Variants in MPP3 observed in about 807,000 individuals in gnomAD.
MPP3 encodes MAGUK p55 scaffold protein 3.
Under a neutral mutation model 80.7 loss-of-function variants are expected in MPP3, and 48 were observed. The observed-to-expected ratio is 0.59, with a 90% CI of 0.47 to 0.76. The LOEUF (loss-of-function observed/expected upper bound fraction) is 0.76. Among genes scored for constraint, MPP3 ranks in the 30% least tolerant of loss-of-function variants. The pLI is 0.00. For synonymous variants in MPP3, 311 were observed against 297.6 expected, an observed-to-expected ratio of 1.04 and a Z score of -0.46; for missense variants, 620 against 763.0, an observed-to-expected ratio of 0.81 and a Z score of 2.21.
chr17:43,808,872 G>A, intron 19 of MPP3, 84 bp downstream of exon 19: 1 of 1,459,394 alleles, frequency 6.9e-7, no homozygotes. Flanking sequence ...CTCTTCAGCT[G>A]CAAGCACCCT....
At chr17:43,815,865 G>A (rs1187874981) in intron 14 of MPP3, 173 bp downstream of exon 14, 1 of 705,088 alleles carries the variant, frequency 1.4e-6, no homozygotes, top group East Asian at 2.8e-5. Flanking sequence ...CAATGCCTGG[G>A]CAGGCTCAGC....
At chr17:43,815,392 GAGCTTGAAACCAGC>G (rs2045066280) in intron 14 of MPP3, among the ~76,000 whole-genome samples, 1 of 152,062 alleles carries the variant, frequency 6.6e-6, no homozygotes, top group African/African-American at 2.4e-5. Flanking sequence ...TTGAAGCCAG[GAGCTTGAAACCAGC>G]TGGGCAACAT....
chr17:43,809,598 G>A (rs1282426376), intron 18 of MPP3, among the ~76,000 whole-genome samples: 1 of 152,072 alleles, frequency 6.6e-6, no homozygotes. Context: ...TGCACTCTTG[G>A]GCCAGGTGCG....
intron 12 of MPP3, 106 bp downstream of exon 12, chr17:43,817,940 C>T: frequency 1.2e-6 from 1 of 842,616 alleles, no homozygotes; most frequent in South Asian, 1.7e-5. Context: ...TCAGACAAGA[C>T]CCCTGATGCC....
At position 43,816,126 on chromosome 17, in the gene MPP3, C is replaced by T. The variant is rs371144032; in HGVS notation, c.968-47G>A. 27 of 1,483,732 alleles carry T rather than the reference C, an allele frequency of 1.8e-5. No homozygotes were observed. In the South Asian group the frequency reaches 2.7e-4, roughly 15 times the overall value. The allele number at this position is 1,483,732 out of a possible 1,614,324, so 91.9% of individuals were successfully genotyped here. On this transcript the variant is annotated intron_variant, in intron 13 of 19. Coordinates refer to ENST00000398389, the MANE Select transcript of MPP3 (RefSeq NM_001932.6). ...GGAAGCCAGTGAGTCCCACCAGACA[C>T]ATCCGGCCCAGGGCACCCAGCCCCT...
At position 43,829,634 on chromosome 17, in the gene MPP3, G is replaced by A. The variant is rs771662424; in HGVS notation, c.441+20C>T. On this transcript the variant is annotated intron_variant, in intron 7 of 19. Coordinates refer to ENST00000398389, the MANE Select transcript of MPP3 (RefSeq NM_001932.6). ...GGCAGGGGAAGAGTGGGTTAGAGAG[G>A]GGCAGGCAGCAGCACCTACCAGGGG... is the stretch of plus-strand genomic sequence containing the variant. The A allele has an allele frequency of 2.5e-6, 4 of 1,612,054 alleles. No homozygotes were observed. Among genetic ancestry groups the A allele is most frequent in the Non-Finnish European group, 3.4e-6 (4 of 1,179,658 alleles).
intron 14 of MPP3, 105 bp from the exon 15 acceptor site, chr17:43,814,466 T>C: frequency 8.5e-7 from 1 of 1,180,108 alleles, no homozygotes; most frequent in Non-Finnish European, 1.2e-6. Context: ...TGGGACTGAG[T>C]CCCACTGACT....
At chr17:43,806,022 T>C (rs1184427956) in intron 19 of MPP3, among the ~76,000 whole-genome samples, 3 of 152,242 alleles carry the variant, frequency 2.0e-5, no homozygotes, top group African/African-American at 4.8e-5. Context: ...AGCCCACTAT[T>C]CAGGGAGAAT....
In MPP3 at chr17:43,811,122, G is replaced by A; in HGVS notation, c.1339C>T (p.His447Tyr). The change falls in exon 17 of 20, where the codon CAT (histidine) becomes TAT (tyrosine). Residue 447 changes from histidine (H) to tyrosine (Y), a missense_variant. His to Tyr is a moderately conservative substitution (Grantham distance 83). Transcript: ENST00000398389. Reference sequence around the variant, plus strand: ...CATCAAGCAACGTACTTGTTGTGATGTAAGTCGGCCTCAAATGCTTGCTTA... The same window carrying A: ...CATCAAGCAACGTACTTGTTGTGATATAAGTCGGCCTCAAATGCTTGCTTA... Reference protein sequence around the residue: ...VSKQAFEADLHHNKFLEHGEY... With the variant: ...VSKQAFEADLYHNKFLEHGEY... 3 of 1,613,958 alleles carry A rather than the reference G, an allele frequency of 1.9e-6. No individual in the cohort carries two copies. Among genetic ancestry groups the A allele is most frequent in the African/African-American group, 1.3e-5 (1 of 75,064 alleles).
rs753396423 is a variant in MPP3, at chr17:43,814,220, C to T, written c.1151G>A (p.Arg384Gln). The change falls in exon 15 of 20, where the codon CGG becomes CAG. Residue 384 changes from arginine (R) to glutamine (Q), a missense_variant. Transcript: ENST00000398389. ...VARYQHQPGERPRLVVLIGSL... is the reference protein window; with the variant it reads ...VARYQHQPGEQPRLVVLIGSL... The stretch of plus-strand genomic sequence containing the variant: ...ACCGATCAGAACCACCAGGCGGGGC[C>T]GCTCTCCGGGCTGGTGTTGGTACCT... 7 of 1,613,478 alleles carry T rather than the reference C, an allele frequency of 4.3e-6. No individual in the cohort carries two copies. The highest frequency in any genetic ancestry group is 3.3e-5 in the South Asian group (3 of 91,034).
chr17:43,809,120 T>G (rs1187832886), intron 18 of MPP3, 42 bp from the exon 19 acceptor site: 1 of 1,547,156 alleles, frequency 6.5e-7, no homozygotes, highest in East Asian at 2.3e-5. Context: ...TTTTGAAGTG[T>G]TTTGTTGTGA....
intron 3 of MPP3, 97 bp downstream of exon 3, chr17:43,831,785 A>T: frequency 6.9e-7 from 1 of 1,446,280 alleles, no homozygotes; most frequent in Non-Finnish European, 9.4e-7. Flanking sequence ...CCGTGAGGAC[A>T]TTCTCTCCCC....
intron 17 of MPP3, 36 bp from the exon 18 acceptor site, chr17:43,810,951 C>A: frequency 6.6e-7 from 1 of 1,514,156 alleles, no homozygotes; most frequent in Non-Finnish European, 9.1e-7. Flanking sequence ...GCCTTTAGTT[C>A]CTCAGCTTTC....
chr17:43,808,898 G>A (rs1268422376), intron 19 of MPP3, 58 bp downstream of exon 19: 31 of 1,556,594 alleles, frequency 2.0e-5, no homozygotes, highest in South Asian at 2.5e-5. Context: ...AGCTAGAAGC[G>A]TTCCTGTAAC....
chr17:43,831,359 C>T lies in MPP3; in HGVS notation c.145-38G>A, dbSNP rs1379556576. On this transcript the variant is annotated intron_variant, in intron 4 of 19. Coordinates refer to ENST00000398389, the MANE Select transcript of MPP3 (RefSeq NM_001932.6). ...AGTATTTCAGATGCACCCTGGACAC[C>T]ACACATCCCACCCACGGCTGTGGGG... 1.1e-5 allele frequency: 17 copies of T among 1,592,594 alleles called. 1 individual carries two copies. The African/African-American group carries it at 2.3e-4, about 21-fold the overall frequency.
At chr17:43,831,483 G>T in intron 4 of MPP3, 76 bp downstream of exon 4, 1 of 1,343,324 alleles carries the variant, frequency 7.4e-7, no homozygotes, top group Non-Finnish European at 1.1e-6. Context: ...GAGATGACTA[G>T]GATGACCTCA....
At chr17:43,833,007 G>A (rs2046050080) in intron 1 of MPP3, 94 bp downstream of exon 1, 1 of 151,524 alleles carries the variant, frequency 6.6e-6, no homozygotes, top group Non-Finnish European at 1.5e-5. Flanking sequence ...CCGCGAGGCT[G>A]TCCGGGAGCA....
intron 10 of MPP3, among the ~76,000 whole-genome samples, 181 bp from the exon 11 acceptor site, chr17:43,821,239 G>C (rs1395318254): frequency 6.6e-6 from 1 of 152,142 alleles, no homozygotes; most frequent in East Asian, 1.9e-4. Flanking sequence ...CAACCATTTG[G>C]GATACTATAG....
intron 8 of MPP3, among the ~76,000 whole-genome samples, chr17:43,826,334 G>A (rs2045694565): frequency 6.6e-6 from 1 of 152,102 alleles, no homozygotes; most frequent in African/African-American, 2.4e-5. Context: ...TGCATATTAG[G>A]GCCCTATATG....
Sources: gnomAD v4.1 joint callset for allele counts (sites outside exome capture counted in the v4.1 genomes callset) on GRCh38, gnomAD v4.1.1 for gene constraint, MANE v1.5 for transcripts, NCBI Gene and HGNC (gene_info 2026-07-23, HGNC 2026-07-21) for gene names.